Variants in PACRG observed in about 807,000 individuals in gnomAD.
The protein encoded by PACRG is parkin coregulated gene protein.
In PACRG, 29 loss-of-function variants were observed where a neutral mutation model predicts 29.7. The ratio of observed to expected loss-of-function variants is 0.98; its 90% CI spans 0.73 to 1.33. The LOEUF is 1.33. PACRG is among the 40% of genes most tolerant of loss of function. The probability of loss-of-function intolerance (pLI) is 0.00; values close to 1 mark genes in which losing one functional copy is unlikely to be tolerated. For synonymous variants in PACRG, 116 were observed against 118.7 expected, an observed-to-expected ratio of 0.98 and a Z score of 0.15; for missense variants, 279 against 316.2, an observed-to-expected ratio of 0.88 and a Z score of 0.89.
chr6:163,233,844 C>T (rs1028526326), intron 4 of PACRG, among the ~76,000 whole-genome samples: 2 of 152,138 alleles, frequency 1.3e-5, no homozygotes, highest in Admixed American at 1.3e-4. Flanking sequence ...ATGAGGAGCA[C>T]GTTTGTAGGG....
chr6:162,930,848 C>T (rs1455431225), intron 2 of PACRG, among the ~76,000 whole-genome samples: 2 of 151,276 alleles, frequency 1.3e-5, no homozygotes, highest in African/African-American at 4.8e-5. Flanking sequence ...TGGTTTTTTT[C>T]TTGGTACTGT....
chr6:163,003,258 T>C (rs1187984541), intron 2 of PACRG, among the ~76,000 whole-genome samples: 1 of 152,252 alleles, frequency 6.6e-6, no homozygotes, highest in Non-Finnish European at 1.5e-5. Flanking sequence ...AATTTTCATT[T>C]GGAAATGGGA....
chr6:163,037,813 C>A (rs534992821), intron 2 of PACRG, among the ~76,000 whole-genome samples: 3 of 152,226 alleles, frequency 2.0e-5, no homozygotes, highest in Non-Finnish European at 4.4e-5. Flanking sequence ...GCTCTCCACT[C>A]ACCCTGTCTC....
At chr6:162,854,138 TC>T (rs2128430026) in intron 2 of PACRG, among the ~76,000 whole-genome samples, 1 of 150,186 alleles carries the variant, frequency 6.7e-6, no homozygotes, top group Admixed American at 6.7e-5. Context: ...ACCTGCTAGT[TC>T]TGGGAGAAGG....
At chr6:163,104,611 G>A (rs1438313461) in intron 4 of PACRG, among the ~76,000 whole-genome samples, 3 of 152,086 alleles carry the variant, frequency 2.0e-5, no homozygotes, top group African/African-American at 7.2e-5. Context: ...ATAGTAACTC[G>A]CATGTGATTC....
chr6:162,819,328 C>T (rs756658751), intron 2 of PACRG, among the ~76,000 whole-genome samples: 1 of 152,072 alleles, frequency 6.6e-6, no homozygotes, highest in Non-Finnish European at 1.5e-5. Context: ...TTTAGATCTC[C>T]AGACTTTGTT....
chr6:163,011,882 G>A (rs959580557), intron 2 of PACRG, among the ~76,000 whole-genome samples: 2 of 152,066 alleles, frequency 1.3e-5, no homozygotes, highest in African/African-American at 2.4e-5. Context: ...ACAGGGTCAG[G>A]AGCATCCATG....
chr6:163,035,633 A>T (rs775977450), intron 2 of PACRG, among the ~76,000 whole-genome samples: 1 of 150,330 alleles, frequency 6.7e-6, no homozygotes. Context: ...GCGACAGAGT[A>T]AGACTCCATG....
At chr6:163,223,376 A>G (rs989414257) in intron 4 of PACRG, among the ~76,000 whole-genome samples, 18 of 152,198 alleles carry the variant, frequency 1.2e-4, no homozygotes, top group African/African-American at 4.3e-4. Flanking sequence ...CCTGGGCAAA[A>G]AGAGTGAAAC....
At chr6:163,300,179 G>A (rs529403530) in intron 4 of PACRG, among the ~76,000 whole-genome samples, 9 of 152,312 alleles carry the variant, frequency 5.9e-5, no homozygotes, top group South Asian at 2.1e-4. Context: ...GATGGCAGGC[G>A]CCAGACTTAG....
intron 4 of PACRG, among the ~76,000 whole-genome samples, chr6:163,177,495 C>A (rs1019501445): frequency 2.9e-4 from 44 of 151,860 alleles, no homozygotes; most frequent in Non-Finnish European, 6.0e-4. Context: ...GAGAGCTACA[C>A]AAAGGAAAGA....
chr6:163,158,551 G>A (rs1163879093), intron 4 of PACRG, among the ~76,000 whole-genome samples: 3 of 152,270 alleles, frequency 2.0e-5, no homozygotes, highest in Middle Eastern at 6.8e-3. Context: ...GTTACAGCAA[G>A]CCGGGTAGTT....
intron 2 of PACRG, among the ~76,000 whole-genome samples, chr6:162,928,415 G>C (rs991934295): frequency 2.6e-4 from 40 of 151,602 alleles, no homozygotes; most frequent in Middle Eastern, 3.4e-3. Flanking sequence ...TTTTTTTCTA[G>C]TCTAGCTAAT....
At chr6:162,781,601 A>G (rs1265243967) in intron 1 of PACRG, among the ~76,000 whole-genome samples, 6 of 151,930 alleles carry the variant, frequency 3.9e-5, no homozygotes, top group Non-Finnish European at 8.8e-5. Flanking sequence ...ATTAAAATCT[A>G]TGACTACACT....
chr6:163,195,848 C>T (rs1780429686), intron 4 of PACRG, among the ~76,000 whole-genome samples: 2 of 152,228 alleles, frequency 1.3e-5, no homozygotes, highest in Non-Finnish European at 1.5e-5. Context: ...TTCCCGCGCC[C>T]GCCCCTGGGT....
chr6:162,990,810 G>T (rs1369247901), intron 2 of PACRG, among the ~76,000 whole-genome samples: 1 of 137,384 alleles, frequency 7.3e-6, no homozygotes, highest in African/African-American at 3.4e-5. Context: ...TGAAGTCCTT[G>T]CCCATGCCTA....
chr6:162,888,221 G>C (rs1794502524), intron 2 of PACRG, among the ~76,000 whole-genome samples: 1 of 151,958 alleles, frequency 6.6e-6, no homozygotes, highest in South Asian at 2.1e-4. Context: ...CTCATCTGTG[G>C]GATGTCCGTG....
At chr6:162,871,690 G>T (rs1584605116) in intron 2 of PACRG, among the ~76,000 whole-genome samples, 1 of 152,110 alleles carries the variant, frequency 6.6e-6, no homozygotes, top group East Asian at 1.9e-4. Flanking sequence ...AGGCCGAGGC[G>T]GGCGGATCAC....
At chr6:162,878,574 A>G (rs375891331) in intron 2 of PACRG, among the ~76,000 whole-genome samples, 1 of 152,210 alleles carries the variant, frequency 6.6e-6, no homozygotes, top group African/African-American at 2.4e-5. Flanking sequence ...AAGATGGCCA[A>G]CTAGAGCCAC....
Sources: allele counts gnomAD v4.1 joint callset (sites outside exome capture counted in the v4.1 genomes callset), GRCh38; gene constraint gnomAD v4.1.1; transcripts MANE v1.5; gene names NCBI Gene and HGNC (gene_info 2026-07-23, HGNC 2026-07-21).